ZNF714: variants seen among roughly 807,000 people sequenced by gnomAD.
The protein encoded by ZNF714 is zinc finger protein 714.
In ZNF714, 32 loss-of-function variants were observed where a neutral mutation model predicts 46.2. That is an observed-to-expected ratio of 0.69 (90% confidence interval 0.52 to 0.93). The LOEUF is 0.93. Among genes scored for constraint, ZNF714 ranks in the 40% least tolerant of loss-of-function variants. The pLI is 0.00. For synonymous variants in ZNF714, 199 were observed against 213.1 expected (o/e 0.93, Z 0.58); for missense variants, 635 against 646.3 (o/e 0.98, Z 0.19).
At chr19:21,098,955 A>G in intron 4 of ZNF714, 45 bp downstream of exon 4, 1 of 1,094,752 alleles carries the variant, frequency 9.1e-7, no homozygotes, top group South Asian at 1.6e-5. Context: ...GAGAGGTACA[A>G]AGGTAAAAAA....
intron 4 of ZNF714, among the ~76,000 whole-genome samples, chr19:21,114,278 T>C (rs940238213): frequency 5.3e-5 from 8 of 151,854 alleles, no homozygotes; most frequent in African/African-American, 1.9e-4. Flanking sequence ...CTACTAAAAA[T>C]ACAAAAAATT....
chr19:21,116,961 A>G lies in ZNF714; in HGVS notation c.297A>G (p.Lys99=), dbSNP rs1395484614. 6.2e-7 allele frequency: 1 copy of G among 1,609,574 alleles called. No homozygotes were observed. The highest frequency in any genetic ancestry group is 1.1e-5 in the South Asian group (1 of 90,934). Reference sequence around the variant, plus strand: ...ATGTGGTTGAGTGTAAGGTGTACAAAAAAGGTTATAATGAACTAAACCAGT... The same window carrying G: ...ATGTGGTTGAGTGTAAGGTGTACAAGAAAGGTTATAATGAACTAAACCAGT... ...SANVVECKVY[K]KGYNELNQCL... The change falls in exon 5 of 5, where the codon AAA becomes AAG. Residue 99 remains lysine (K), a synonymous_variant. Transcript: ENST00000456283.
chr19:21,082,470 T>G, intron 1 of ZNF714, 122 bp downstream of exon 1: 2 of 1,012,396 alleles, frequency 2.0e-6, no homozygotes, highest in Non-Finnish European at 2.8e-6. Flanking sequence ...CCCGGAGTTC[T>G]CCTTGCTCAG....
intron 4 of ZNF714, among the ~76,000 whole-genome samples, chr19:21,114,308 T>C (rs2082004): frequency 0.2 from 29,985 of 151,844 alleles, 4,840 homozygotes; most frequent in African/African-American, 0.45. Context: ...TGGTGGCGGG[T>C]GCCTGTAGTC....
intron 4 of ZNF714, among the ~76,000 whole-genome samples, chr19:21,104,462 A>C (rs1969265951): frequency 6.6e-6 from 1 of 152,258 alleles, no homozygotes; most frequent in Admixed American, 6.5e-5. Flanking sequence ...TAACATTTAA[A>C]ATAATGGTTG....
intron 2 of ZNF714, among the ~76,000 whole-genome samples, chr19:21,089,437 A>T (rs547017378): frequency 1.4e-4 from 22 of 152,306 alleles, no homozygotes; most frequent in African/African-American, 5.1e-4. Context: ...AGGTGTTCTG[A>T]AAAAGGAAAA....
intron 2 of ZNF714, chr19:21,091,356 AG>A (rs1968904810): frequency 6.6e-6 from 1 of 152,228 alleles, no homozygotes; most frequent in Non-Finnish European, 1.5e-5. Flanking sequence ...CTGTGTTATC[AG>A]CCAGGTCTTT....
At chr19:21,107,365 G>A (rs531033366) in intron 4 of ZNF714, among the ~76,000 whole-genome samples, 1 of 152,106 alleles carries the variant, frequency 6.6e-6, no homozygotes, top group African/African-American at 2.4e-5. Flanking sequence ...TCAGCCTCCG[G>A]AGTAGCTGGG....
chr19:21,109,989 C>T (rs923123208), intron 4 of ZNF714, among the ~76,000 whole-genome samples: 3 of 152,116 alleles, frequency 2.0e-5, no homozygotes, highest in Admixed American at 6.6e-5. Context: ...TTTATCCAGT[C>T]TGTCACAGAT....
chr19:21,104,253 A>C (rs1969258943), intron 4 of ZNF714, among the ~76,000 whole-genome samples: 1 of 138,730 alleles, frequency 7.2e-6, no homozygotes, highest in Admixed American at 7.4e-5. Flanking sequence ...TATTGGATGT[A>C]TATGTTACAT....
Position 21,119,754 on chromosome 19 carries a change from G to A in ZNF714, c.*1422G>A, listed in dbSNP as rs1269181960. 1 of 152,070 alleles carries A rather than the reference G, an allele frequency of 6.6e-6. No individual in the cohort carries two copies. Among genetic ancestry groups the A allele is most frequent in the Admixed American group, 6.5e-5 (1 of 15,276 alleles). 9.4% of individuals were successfully genotyped at this position (152,070 alleles called of 1,614,324 possible). On this transcript the variant is annotated 3_prime_UTR_variant, in exon 5 of 5. Transcript: ENST00000456283. Reference sequence around the variant, plus strand: ...CAGAATTTATGGTAGAAATACATAAGGCACTGACAACATCAGATATACTAA... The same window carrying A: ...CAGAATTTATGGTAGAAATACATAAAGCACTGACAACATCAGATATACTAA...
chr19:21,110,647 A>G (rs1177256140), intron 4 of ZNF714, among the ~76,000 whole-genome samples: 1 of 152,212 alleles, frequency 6.6e-6, no homozygotes, highest in Non-Finnish European at 1.5e-5. Context: ...CGCTTTCCTC[A>G]TGAAATCTTT....
rs182838967 is a variant in ZNF714 at position 21,087,554 on chromosome 19, G to T, written c.-85+3485G>T. Among the ~76,000 whole-genome samples the T allele has an allele frequency of 7.9e-5, 12 of 152,150 alleles. No individual in the cohort carries two copies. The East Asian group carries it at 2.3e-3, about 29-fold the overall frequency. On this transcript the variant is annotated intron_variant, in intron 2 of 4. Transcript: ENST00000456283. ...ACCTATCCAATTTTAGTATTTGACC[G>T]TAAGGTAATATTCTTATAAACCTTT...
chr19:21,093,136 CCTTGT>C (rs1459242452), intron 2 of ZNF714, among the ~76,000 whole-genome samples: 1 of 151,974 alleles, frequency 6.6e-6, no homozygotes, highest in Non-Finnish European at 1.5e-5. Context: ...AATCTCCTGA[CCTTGT>C]GATCCACCTG....
At chr19:21,115,530 T>C (rs1468372580) in intron 4 of ZNF714, among the ~76,000 whole-genome samples, 4 of 151,930 alleles carry the variant, frequency 2.6e-5, no homozygotes, top group Non-Finnish European at 5.9e-5. Context: ...GCAGGACTGG[T>C]ATTATTCTCA....
intron 4 of ZNF714, among the ~76,000 whole-genome samples, chr19:21,107,544 C>G (rs925388023): frequency 1.4e-5 from 2 of 139,592 alleles, no homozygotes; most frequent in African/African-American, 3.4e-5. Flanking sequence ...CAGCCATAGA[C>G]AAGATTTCTA....
In ZNF714 at chr19:21,120,884, GTATA is replaced by G. The variant is rs1309416600; in HGVS notation, c.*2556_*2559del. The G allele has an allele frequency of 6.6e-6, 1 of 151,952 alleles. No individual in the cohort carries two copies. The highest frequency in any genetic ancestry group is 2.4e-5 in the African/African-American group (1 of 41,364). The allele number at this position is 151,952 out of a possible 1,614,324, so 9.4% of individuals were successfully genotyped here. ...TAATTTTGGTGGGTACATAATATGAGTATATATTTATGCACTTATATGGCATATT... is the reference window on the plus strand; with the variant it reads ...TAATTTTGGTGGGTACATAATATGAGTATTTATGCACTTATATGGCATATT... On this transcript the variant is annotated 3_prime_UTR_variant, in exon 5 of 5. Transcript: ENST00000456283.
At chr19:21,085,502 A>G (rs1254547896) in intron 2 of ZNF714, among the ~76,000 whole-genome samples, 2 of 152,290 alleles carry the variant, frequency 1.3e-5, no homozygotes, top group African/African-American at 2.4e-5. Context: ...CTTCCCTTAT[A>G]TGAACACTGT....
In ZNF714 at chr19:21,082,488, TCA is replaced by T. The variant is rs1213783273; in HGVS notation, c.-177+141_-177+142del. 3.7e-6 allele frequency: 3 copies of T among 812,200 alleles called. No homozygotes were observed. In the Admixed American group the frequency reaches 7.2e-5, roughly 19 times the overall value. The allele number at this position is 812,200 out of a possible 1,614,324, so 50.3% of individuals were successfully genotyped here. On this transcript the variant is annotated intron_variant, in intron 1 of 4. Coordinates refer to ENST00000456283, the MANE Select transcript of ZNF714 (RefSeq NM_182515.4). The stretch of plus-strand genomic sequence containing the variant: ...GGAGTTCTCCTTGCTCAGCTCGGCC[TCA>T]GTCCCCTTCAGCCATAAGATGGCGG...
Sources: gnomAD v4.1 joint callset for allele counts (sites outside exome capture counted in the v4.1 genomes callset) on GRCh38, gnomAD v4.1.1 for gene constraint, MANE v1.5 for transcripts, NCBI Gene and HGNC (gene_info 2026-07-23, HGNC 2026-07-21) for gene names.